Variants in WDR19 observed in about 807,000 individuals in gnomAD.
The protein encoded by WDR19 is WD repeat-containing protein 19.
Under a neutral mutation model 180.0 loss-of-function variants are expected in WDR19, and 121 were observed. The observed-to-expected ratio is 0.67, with a 90% CI of 0.58 to 0.78. The LOEUF (loss-of-function observed/expected upper bound fraction) is 0.78. Among genes scored for constraint, WDR19 ranks in the 30% least tolerant of loss-of-function variants. The pLI is 0.00. For synonymous variants in WDR19, 497 were observed against 540.7 expected (o/e 0.92, Z 1.12); for missense variants, 1,450 against 1,640.7 (o/e 0.88, Z 2.01).
At chr4:39,251,697 G>A (rs1733207083) in intron 24 of WDR19, among the ~76,000 whole-genome samples, 1 of 152,066 alleles carries the variant, frequency 6.6e-6, no homozygotes, top group Non-Finnish European at 1.5e-5. Context: ...AGTGGGTGAA[G>A]GATATAAACA....
intron 36 of WDR19, among the ~76,000 whole-genome samples, chr4:39,283,374 AC>A (rs1356700868): frequency 6.6e-5 from 9 of 136,898 alleles, no homozygotes; most frequent in African/African-American, 2.8e-4. Flanking sequence ...ATACTGGTCT[AC>A]AATTTTCCTC....
At chr4:39,248,613 A>T (rs1442151350) in intron 24 of WDR19, among the ~76,000 whole-genome samples, 1 of 152,154 alleles carries the variant, frequency 6.6e-6, no homozygotes, top group East Asian at 1.9e-4. Context: ...GACCCATCTC[A>T]CGTGCAGAGA....
At chr4:39,231,155 C>CA (rs1233173113) in intron 17 of WDR19, among the ~76,000 whole-genome samples, 1 of 151,928 alleles carries the variant, frequency 6.6e-6, no homozygotes, top group Admixed American at 6.6e-5. Context: ...ACTAAAAATA[C>CA]AAAAAATTAG....
intron 18 of WDR19, 61 bp downstream of exon 18, chr4:39,232,017 A>C: frequency 6.3e-7 from 1 of 1,584,116 alleles, no homozygotes; most frequent in South Asian, 1.1e-5. Context: ...AGTTAAATGC[A>C]GTCTAAATTT....
At chr4:39,283,925 C>T (rs942399972) in intron 36 of WDR19, among the ~76,000 whole-genome samples, 3 of 152,132 alleles carry the variant, frequency 2.0e-5, no homozygotes, top group African/African-American at 7.2e-5. Context: ...TCTTAAAGCA[C>T]TTTCACGATT....
chr4:39,243,283 C>T (rs570612161), intron 21 of WDR19, among the ~76,000 whole-genome samples: 1 of 152,238 alleles, frequency 6.6e-6, no homozygotes, highest in African/African-American at 2.4e-5. Flanking sequence ...ACACACACTC[C>T]ATGTATGATA....
chr4:39,205,018 A>G (rs1350735357), intron 7 of WDR19, 136 bp from the exon 8 acceptor site: 3 of 605,840 alleles, frequency 5.0e-6, no homozygotes, highest in South Asian at 2.3e-5. Context: ...GTCATATTGT[A>G]CTAGTTACAG....
intron 29 of WDR19, among the ~76,000 whole-genome samples, chr4:39,267,731 G>A (rs915748756): frequency 1.3e-5 from 2 of 152,130 alleles, no homozygotes; most frequent in African/African-American, 4.8e-5. Flanking sequence ...CTGTGAAATC[G>A]GGATAACAAT....
intron 14 of WDR19, among the ~76,000 whole-genome samples, chr4:39,223,206 TATGA>T (rs2109345244): frequency 6.6e-6 from 1 of 152,360 alleles, no homozygotes; most frequent in African/African-American, 2.4e-5. Flanking sequence ...TGCACAACTC[TATGA>T]ATATACAAAA....
chr4:39,207,578 T>G (rs1219048537), intron 9 of WDR19, among the ~76,000 whole-genome samples: 3 of 152,198 alleles, frequency 2.0e-5, no homozygotes, highest in Non-Finnish European at 4.4e-5. Flanking sequence ...GCATTGAGGC[T>G]AGAAGGAAAT....
intron 5 of WDR19, among the ~76,000 whole-genome samples, chr4:39,195,394 AC>A (rs199757054): frequency 0.046 from 6,927 of 149,880 alleles, 593 homozygotes; most frequent in African/African-American, 0.16. Flanking sequence ...AAACAAACAA[AC>A]AAAAAAAAAC....
Position 39,215,902 on chromosome 4 carries a change from C to T in WDR19, c.1023C>T (p.Gly341=). The change falls in exon 11 of 37, where the codon GGC becomes GGT. Residue 341 remains glycine, a synonymous_variant. Coordinates refer to ENST00000399820, the MANE Select transcript of WDR19 (RefSeq NM_025132.4). The part of the protein sequence containing the change: ...GQLLALSTQR[G]SLHVFLTKLP... ...TGCTAGCACTCTCTACCCAAAGGGG[C>T]TCACTTCATGTTTTCCTGACCAAGC... 6.2e-7 allele frequency: 1 copy of T among 1,613,862 alleles called. No homozygotes were observed. The highest frequency in any genetic ancestry group is 1.1e-5 in the South Asian group (1 of 91,048).
At chr4:39,282,815 G>A (rs7659894) in intron 36 of WDR19, among the ~76,000 whole-genome samples, 76,490 of 152,034 alleles carry the variant, frequency 0.5, 20,599 homozygotes, top group African/African-American at 0.7. Flanking sequence ...AATTGATTAC[G>A]TAGGAAAGTG....
At chr4:39,185,353 C>A (rs1200415627) in intron 1 of WDR19, among the ~76,000 whole-genome samples, 1 of 152,112 alleles carries the variant, frequency 6.6e-6, no homozygotes, top group Non-Finnish European at 1.5e-5. Context: ...AGTTTAATCA[C>A]CAGGAATCCG....
intron 14 of WDR19, among the ~76,000 whole-genome samples, chr4:39,223,087 GTACT>G (rs1729865346): frequency 6.6e-6 from 1 of 152,140 alleles, no homozygotes; most frequent in African/African-American, 2.4e-5. Context: ...TGGTATGGAT[GTACT>G]TAGTTTGTTT....
At chr4:39,266,310 A>G (rs181472033) in intron 29 of WDR19, among the ~76,000 whole-genome samples, 170 bp downstream of exon 29, 3 of 152,290 alleles carry the variant, frequency 2.0e-5, no homozygotes, top group African/African-American at 4.8e-5. Context: ...CCTGGGTCAC[A>G]TTGGAAGAAG....
chr4:39,278,051 CAAA>C (rs56151655), intron 34 of WDR19, 77 bp from the exon 35 acceptor site: 625 of 1,104,074 alleles, frequency 5.7e-4, no homozygotes, highest in Admixed American at 9.3e-4. Flanking sequence ...AAGATTCCGT[CAAA>C]AAAAAAAAAA....
intron 9 of WDR19, among the ~76,000 whole-genome samples, chr4:39,211,961 GAGAGAGAGAGAGAGAGAGAGAGA>G (rs1560497275): frequency 2.1e-5 from 3 of 141,298 alleles, no homozygotes; most frequent in Non-Finnish European, 3.0e-5. Flanking sequence ...GAGAGAGAGA[GAGAGAGAGAGAGAGAGAGAGAGA>G]GATAGATAGA....
At chr4:39,260,570 A>G (rs1734191231) in intron 28 of WDR19, among the ~76,000 whole-genome samples, 1 of 152,130 alleles carries the variant, frequency 6.6e-6, no homozygotes, top group Admixed American at 6.5e-5. Context: ...CCAACTCCTT[A>G]CATCAAATGA....
Sources: allele counts gnomAD v4.1 joint callset (sites outside exome capture counted in the v4.1 genomes callset), GRCh38; gene constraint gnomAD v4.1.1; transcripts MANE v1.5; gene names NCBI Gene and HGNC (gene_info 2026-07-23, HGNC 2026-07-21).